The following MAP2K4 variants were observed in gnomAD, a reference collection of about 807,000 sequenced individuals.
MAP2K4 encodes the protein mitogen-activated protein kinase kinase 4, also known as dual specificity mitogen-activated protein kinase kinase 4.
MAP2K4 carries 4 observed loss-of-function variants against 48.5 expected under a neutral mutation model. The ratio of observed to expected loss-of-function variants is 0.08; its 90% CI spans 0.04 to 0.19. The LOEUF is 0.19. Among genes scored for constraint, MAP2K4 ranks in the 10% least tolerant of loss-of-function variants. MAP2K4 has a pLI of 1.00. For missense variants in MAP2K4, 258 were observed against 493.3 expected (o/e 0.52, Z 4.52); for synonymous variants, 166 against 173.1 (o/e 0.96, Z 0.32).
At chr17:12,095,238 T>C (rs1228887550) in intron 3 of MAP2K4, among the ~76,000 whole-genome samples, 1 of 152,204 alleles carries the variant, frequency 6.6e-6, no homozygotes, top group Non-Finnish European at 1.5e-5. Flanking sequence ...TATGAAACTG[T>C]TAAAACTCAT....
Position 12,098,114 on chromosome 17 carries a change from A to T in MAP2K4, c.513+2420A>T, listed in dbSNP as rs71364147. 3.1e-3 allele frequency among the ~76,000 whole-genome samples: 466 copies of T among 152,290 alleles called. 4 individuals carry two copies. The highest frequency in any genetic ancestry group is 0.014 in the Middle Eastern group (4 of 294). On this transcript the variant is annotated intron_variant, in intron 4 of 10. Coordinates refer to ENST00000353533, the MANE Select transcript of MAP2K4 (RefSeq NM_003010.4). ...CAATAAAAGTGTAGTTTTACAATAA[A>T]AGTGTTACTTTTATTAGTCACCTTT...
Position 12,035,076 on chromosome 17 carries a change from A to G in MAP2K4, c.115+14075A>G, listed in dbSNP as rs191484395. ...AGTATAAGTTCTCAGTTGCTTACAT[A>G]TATTAGCACTTCTTCTAAATCTGGT... is the stretch of plus-strand genomic sequence containing the variant. On this transcript the variant is annotated intron_variant, in intron 1 of 10. Transcript: ENST00000353533. 4.1e-4 allele frequency among the ~76,000 whole-genome samples: 62 copies of G among 152,324 alleles called. No individual in the cohort carries two copies. In the East Asian group the frequency reaches 0.011, roughly 28 times the overall value.
intron 4 of MAP2K4, among the ~76,000 whole-genome samples, chr17:12,099,831 A>G (rs1001700922): frequency 1.3e-5 from 2 of 152,150 alleles, no homozygotes; most frequent in African/African-American, 2.4e-5. Flanking sequence ...TAATACATAA[A>G]ATTTGAGAAT....
At chr17:12,111,052 T>C (rs1198460275) in intron 6 of MAP2K4, among the ~76,000 whole-genome samples, 1 of 152,200 alleles carries the variant, frequency 6.6e-6, no homozygotes, top group Non-Finnish European at 1.5e-5. Context: ...GCTTTACTTA[T>C]TACTGTGCTA....
At chr17:12,026,070 TTTC>T (rs561643069) in intron 1 of MAP2K4, among the ~76,000 whole-genome samples, 52 of 152,306 alleles carry the variant, frequency 3.4e-4, no homozygotes, top group Admixed American at 2.5e-3. Context: ...TCAGACTGCA[TTTC>T]TTCTTATGTT....
intron 3 of MAP2K4, among the ~76,000 whole-genome samples, chr17:12,090,467 G>A (rs1295149116): frequency 1.3e-5 from 2 of 152,110 alleles, no homozygotes; most frequent in African/African-American, 2.4e-5. Context: ...GAGCATCTAG[G>A]CACAATGCTA....
At chr17:12,087,984 T>G (rs943306235) in intron 3 of MAP2K4, among the ~76,000 whole-genome samples, 1 of 152,166 alleles carries the variant, frequency 6.6e-6, no homozygotes, top group African/African-American at 2.4e-5. Context: ...TACCACAAAT[T>G]AGGAAAATAA....
chr17:12,062,863 C>G (rs1970494183), intron 2 of MAP2K4, among the ~76,000 whole-genome samples: 1 of 151,944 alleles, frequency 6.6e-6, no homozygotes. Flanking sequence ...GTTCTGAAAT[C>G]TTGCTGTGTT....
intron 2 of MAP2K4, among the ~76,000 whole-genome samples, chr17:12,077,623 C>T (rs1971056300): frequency 6.6e-6 from 1 of 152,104 alleles, no homozygotes; most frequent in Non-Finnish European, 1.5e-5. Flanking sequence ...ACCTACATTC[C>T]AGGCAACAAG....
intron 1 of MAP2K4, among the ~76,000 whole-genome samples, chr17:12,054,152 A>G (rs1310205057): frequency 2.6e-5 from 4 of 152,302 alleles, no homozygotes; most frequent in East Asian, 3.9e-4. Flanking sequence ...GTCCCTATCT[A>G]TGTATAGAAA....
At chr17:12,129,593 G>C (rs997732309) in intron 9 of MAP2K4, among the ~76,000 whole-genome samples, 1 of 152,226 alleles carries the variant, frequency 6.6e-6, no homozygotes, top group Non-Finnish European at 1.5e-5. Flanking sequence ...AGGTGAGACT[G>C]ATCATCTTAC....
At chr17:12,096,543 T>C (rs1416909886) in intron 4 of MAP2K4, among the ~76,000 whole-genome samples, 3 of 152,144 alleles carry the variant, frequency 2.0e-5, no homozygotes, top group Non-Finnish European at 4.4e-5. Flanking sequence ...TTTCAAATAC[T>C]CTCTAAAAAA....
At chr17:12,023,544 T>C (rs1969162415) in intron 1 of MAP2K4, among the ~76,000 whole-genome samples, 2 of 152,230 alleles carry the variant, frequency 1.3e-5, no homozygotes, top group Non-Finnish European at 2.9e-5. Context: ...ATGACCATGC[T>C]CTCTGAAACA....
At chr17:12,038,575 A>AT (rs1969676914) in intron 1 of MAP2K4, among the ~76,000 whole-genome samples, 1 of 152,166 alleles carries the variant, frequency 6.6e-6, no homozygotes, top group Non-Finnish European at 1.5e-5. Flanking sequence ...TTAAAGATGA[A>AT]TTAAATCTAG....
At chr17:12,029,523 C>T (rs565081053) in intron 1 of MAP2K4, among the ~76,000 whole-genome samples, 19 of 152,018 alleles carry the variant, frequency 1.2e-4, no homozygotes, top group African/African-American at 3.1e-4. Flanking sequence ...GAGGCACACA[C>T]GACTTAAAAT....
In MAP2K4 at chr17:12,129,030, A is replaced by G. The variant is rs141660622; in HGVS notation, c.892-109A>G. 652 of 971,910 alleles carry G rather than the reference A, an allele frequency of 6.7e-4. 4 individuals are homozygous for G. The African/African-American group carries it at 9.2e-3, about 14-fold the overall frequency. The allele number at this position is 971,910 out of a possible 1,614,324, so 60.2% of individuals were successfully genotyped here. A position where few individuals can be genotyped will look rare whatever the true frequency, so the allele number is the denominator to read the frequency against. ...CCCAAGCTAACCTGTGTTTAATTCA[A>G]GGCTTTACTAGAGTTTTGCTTGTAG... is the stretch of plus-strand genomic sequence containing the variant. On this transcript the variant is annotated intron_variant, in intron 8 of 10. Transcript: ENST00000353533.
intron 1 of MAP2K4, among the ~76,000 whole-genome samples, chr17:12,044,078 G>A (rs1030112572): frequency 6.6e-6 from 1 of 152,132 alleles, no homozygotes; most frequent in African/African-American, 2.4e-5. Context: ...GGTAACAAAA[G>A]ACACTCCTGT....
chr17:12,120,859 G>A (rs1451424861), intron 7 of MAP2K4, among the ~76,000 whole-genome samples: 1 of 152,230 alleles, frequency 6.6e-6, no homozygotes, highest in Non-Finnish European at 1.5e-5. Context: ...GTAGTTGGAG[G>A]TTGAAAGCTT....
chr17:12,052,100 TG>T (rs1970160596), intron 1 of MAP2K4, among the ~76,000 whole-genome samples: 1 of 152,180 alleles, frequency 6.6e-6, no homozygotes, highest in Non-Finnish European at 1.5e-5. Flanking sequence ...TTTGAAGAGT[TG>T]GGGTACACAG....
Sources: gnomAD v4.1 joint callset for allele counts (sites outside exome capture counted in the v4.1 genomes callset) on GRCh38, gnomAD v4.1.1 for gene constraint, MANE v1.5 for transcripts, NCBI Gene and HGNC (gene_info 2026-07-23, HGNC 2026-07-21) for gene names.